The following CCDC149 variants were observed in gnomAD, a reference collection of about 807,000 sequenced individuals.
CCDC149 encodes the protein coiled-coil domain containing 149, also known as coiled-coil domain-containing protein 149.
Under a neutral mutation model 59.9 loss-of-function variants are expected in CCDC149, and 45 were observed. That is an observed-to-expected ratio of 0.75 (90% CI 0.59 to 0.96). The LOEUF (loss-of-function observed/expected upper bound fraction) is 0.96, where lower values mean the gene tolerates loss of function less well. Ranked by LOEUF, CCDC149 falls within the 40% of genes least tolerant of loss-of-function variation. The probability of loss-of-function intolerance (pLI) is 0.00; values close to 1 mark genes in which losing one functional copy is unlikely to be tolerated. For missense variants in CCDC149, 584 were observed against 664.7 expected (o/e 0.88, Z 1.33); for synonymous variants, 245 against 260.6 (o/e 0.94, Z 0.58).
intron 1 of CCDC149, among the ~76,000 whole-genome samples, chr4:24,937,837 G>C (rs1251817231): frequency 6.6e-6 from 1 of 152,154 alleles, no homozygotes; most frequent in Non-Finnish European, 1.5e-5. Context: ...AAATGTCCCT[G>C]CTGTTCTAGA....
At chr4:24,892,739 G>A (rs965905076) in intron 1 of CCDC149, among the ~76,000 whole-genome samples, 2 of 152,244 alleles carry the variant, frequency 1.3e-5, no homozygotes, top group South Asian at 2.1e-4. Context: ...CCTTTCCAAT[G>A]TTTCAGACTT....
rs771495987 is a variant in CCDC149 at position 24,822,560 on chromosome 4, G to A, written c.979C>T (p.Arg327Trp). 1.8e-5 allele frequency: 28 copies of A among 1,530,342 alleles called. No individual in the cohort carries two copies. The highest frequency in any genetic ancestry group is 2.3e-5 in the Non-Finnish European group (26 of 1,137,940). The allele number at this position is 1,530,342 out of a possible 1,614,324, so 94.8% of individuals were successfully genotyped here. A position where few individuals can be genotyped will look rare whatever the true frequency, so the allele number is the denominator to read the frequency against. Residue 327 changes from arginine to tryptophan, a missense_variant, in exon 10 of 13, where the codon CGG (arginine) becomes TGG (tryptophan). Physicochemically the swap from Arg to Trp is moderately radical, Grantham distance 101. Coordinates refer to ENST00000635206, the MANE Select transcript of CCDC149 (RefSeq NM_001330643.2). ...AATTTTTTTTCCAGCTCAGCCACCC[G>A]ATTCCCTAGGATTCTGAAAAAAGGG...
Position 24,968,000 on chromosome 4 carries a change from G to T in CCDC149, c.-65+12069C>A, listed in dbSNP as rs368926902. Among the ~76,000 whole-genome samples, 10 of 152,278 alleles carry T rather than the reference G, an allele frequency of 6.6e-5. No individual in the cohort carries two copies. The East Asian group carries it at 1.2e-3, about 18-fold the overall frequency. On this transcript the variant is annotated intron_variant, in intron 1 of 12. Coordinates refer to the CCDC149 transcript ENST00000389609. The stretch of plus-strand genomic sequence containing the variant: ...CTGACAGTCATTTGTGCCCCATTTA[G>T]CCCAGATGATAAAACCACTGTATTG...
intron 1 of CCDC149, among the ~76,000 whole-genome samples, chr4:24,923,752 C>T (rs1244247813): frequency 2.0e-5 from 3 of 152,206 alleles, no homozygotes; most frequent in Non-Finnish European, 2.9e-5. Context: ...ATTTATCACA[C>T]AAGTGCTGGG....
At chr4:24,860,580 A>G (rs1406758679) in intron 3 of CCDC149, among the ~76,000 whole-genome samples, 1 of 152,200 alleles carries the variant, frequency 6.6e-6, no homozygotes, top group African/African-American at 2.4e-5. Context: ...CAACAAAAAC[A>G]AAGATAAATA....
chr4:24,810,191 T>C lies in CCDC149; in HGVS notation c.1193-1372A>G, dbSNP rs534933744. Among the ~76,000 whole-genome samples the C allele has an allele frequency of 8.5e-5, 13 of 152,342 alleles. No individual in the cohort carries two copies. In the South Asian group the frequency reaches 1.9e-3, roughly 22 times the overall value. On this transcript the variant is annotated intron_variant, in intron 12 of 12. Coordinates refer to ENST00000635206, the MANE Select transcript of CCDC149 (RefSeq NM_001330643.2). ...CCACACTAGGCACTGCACTAAACATTTGACGTGTTTATCTCATTCTAAATT... is the reference window on the plus strand; with the variant it reads ...CCACACTAGGCACTGCACTAAACATCTGACGTGTTTATCTCATTCTAAATT...
intron 3 of CCDC149, 45 bp from the exon 4 acceptor site, chr4:24,853,224 G>T: frequency 7.2e-7 from 1 of 1,395,812 alleles, no homozygotes; most frequent in Non-Finnish European, 1.0e-6. Context: ...AAATGGAGGA[G>T]TGGATGAATG....
intron 1 of CCDC149, among the ~76,000 whole-genome samples, chr4:24,956,897 T>C (rs4697505): frequency 0.73 from 110,477 of 152,176 alleles, 40,400 homozygotes; most frequent in Non-Finnish European, 0.76. Flanking sequence ...TTAGCTTGAA[T>C]GGGGCCCAGA....
At chr4:24,896,884 G>A (rs1280387792) in intron 1 of CCDC149, among the ~76,000 whole-genome samples, 2 of 152,154 alleles carry the variant, frequency 1.3e-5, no homozygotes, top group Non-Finnish European at 2.9e-5. Context: ...ACGTCCTCGT[G>A]TTAATTCAGT....
At position 24,822,559 on chromosome 4, in the gene CCDC149, C is replaced by T. The variant is rs1280073521; in HGVS notation, c.980G>A (p.Arg327Gln). The T allele has an allele frequency of 1.2e-5, 18 of 1,535,226 alleles. No individual in the cohort carries two copies. The highest frequency in any genetic ancestry group is 2.5e-5 in the East Asian group (1 of 39,582). ...TAATTTTTTTTCCAGCTCAGCCACC[C>T]GATTCCCTAGGATTCTGAAAAAAGG... The change falls in exon 10 of 13, where the codon CGG becomes CAG. Residue 327 changes from arginine (R) to glutamine (Q), a missense_variant. Physicochemically the swap from Arg to Gln is conservative, Grantham distance 43 (BLOSUM62 1). Coordinates refer to ENST00000635206, the MANE Select transcript of CCDC149 (RefSeq NM_001330643.2).
At chr4:24,820,736 G>A (rs1162592081) in intron 11 of CCDC149, among the ~76,000 whole-genome samples, 2 of 151,984 alleles carry the variant, frequency 1.3e-5, no homozygotes, top group East Asian at 3.9e-4. Flanking sequence ...CAGGAGGTCA[G>A]TGCTATTGCC....
chr4:24,946,741 A>G (rs575615732), intron 1 of CCDC149, among the ~76,000 whole-genome samples: 2 of 152,344 alleles, frequency 1.3e-5, no homozygotes, highest in South Asian at 4.1e-4. Context: ...CATCTCTGCC[A>G]TCCTAGTGGG....
chr4:24,882,528 C>T (rs1445730348), intron 1 of CCDC149, among the ~76,000 whole-genome samples: 5 of 152,130 alleles, frequency 3.3e-5, no homozygotes, highest in African/African-American at 4.8e-5. Context: ...GATAACAAAA[C>T]GTTATTTCCT....
chr4:24,892,501 G>T (rs1720586961), intron 1 of CCDC149, among the ~76,000 whole-genome samples: 1 of 152,184 alleles, frequency 6.6e-6, no homozygotes, highest in Non-Finnish European at 1.5e-5. Context: ...AAAGACTATA[G>T]TAGTTAAAAT....
At chr4:24,942,894 AAG>A (rs1170953429) in intron 1 of CCDC149, among the ~76,000 whole-genome samples, 2 of 151,976 alleles carry the variant, frequency 1.3e-5, no homozygotes, top group Non-Finnish European at 2.9e-5. Flanking sequence ...AATGAAATAA[AAG>A]AGGATACAAA....
intron 12 of CCDC149, among the ~76,000 whole-genome samples, chr4:24,815,236 T>C (rs1714937521): frequency 6.6e-6 from 1 of 152,230 alleles, no homozygotes. Context: ...TTCAGGTTGC[T>C]ACTCTAAAAG....
At chr4:24,845,343 C>T (rs1717217660) in intron 4 of CCDC149, among the ~76,000 whole-genome samples, 2 of 152,304 alleles carry the variant, frequency 1.3e-5, no homozygotes, top group South Asian at 4.2e-4. Flanking sequence ...CTTCCCTGAC[C>T]ACCTGATACA....
intron 1 of CCDC149, among the ~76,000 whole-genome samples, chr4:24,964,192 T>TAAAAAAAAA (rs377278394): frequency 5.9e-4 from 70 of 119,160 alleles, no homozygotes; most frequent in African/African-American, 1.6e-3. Flanking sequence ...AGACCCTATC[T>TAAAAAAAAA]AAAAAAAAAA....
At chr4:24,819,807 CTCT>C in intron 12 of CCDC149, 49 bp downstream of exon 12, 1 of 1,323,894 alleles carries the variant, frequency 7.6e-7, no homozygotes, top group East Asian at 2.5e-5. Flanking sequence ...TGAGCCACTC[CTCT>C]GTGGCAGGCA....
Sources: allele counts gnomAD v4.1 joint callset (sites outside exome capture counted in the v4.1 genomes callset), GRCh38; gene constraint gnomAD v4.1.1; transcripts MANE v1.5; gene names NCBI Gene and HGNC (gene_info 2026-07-23, HGNC 2026-07-21).